RBBP8: variants seen among roughly 807,000 people sequenced by gnomAD.
RBBP8 encodes RB binding protein 8, endonuclease, also known as DNA endonuclease RBBP8.
Under a neutral mutation model 108.3 loss-of-function variants are expected in RBBP8, and 88 were observed. The ratio of observed to expected loss-of-function variants is 0.81; its 90% CI spans 0.68 to 0.97. The LOEUF (loss-of-function observed/expected upper bound fraction) is 0.97. Among genes scored for constraint, RBBP8 ranks in the 50% least tolerant of loss-of-function variants. The probability of loss-of-function intolerance (pLI) is 0.00; values close to 1 mark genes in which losing one functional copy is unlikely to be tolerated. For missense variants in RBBP8, 1,023 were observed against 1,049.0 expected (o/e 0.98, Z 0.34); for synonymous variants, 332 against 348.2 (o/e 0.95, Z 0.52).
chr18:22,942,427 T>C (rs1265325940), intron 2 of RBBP8, among the ~76,000 whole-genome samples: 2 of 152,108 alleles, frequency 1.3e-5, no homozygotes, highest in Admixed American at 1.3e-4. Context: ...ACTGCATCCA[T>C]GTCTTTTAAA....
At chr18:22,985,824 T>C (rs575382387) in intron 8 of RBBP8, among the ~76,000 whole-genome samples, 32 of 152,168 alleles carry the variant, frequency 2.1e-4, no homozygotes, top group African/African-American at 7.2e-4. Context: ...AGCAGGTAGA[T>C]GGCATCTAAG....
chr18:22,985,939 C>A (rs1915296352), intron 8 of RBBP8, among the ~76,000 whole-genome samples: 1 of 152,032 alleles, frequency 6.6e-6, no homozygotes, highest in Admixed American at 6.6e-5. Context: ...TCATGATTTT[C>A]AACTTTTCTT....
intron 7 of RBBP8, 53 bp downstream of exon 7, chr18:22,982,446 C>A (rs1915001225): frequency 6.2e-7 from 1 of 1,609,218 alleles, no homozygotes; most frequent in Non-Finnish European, 8.5e-7. Context: ...CAGTGTTCAT[C>A]TACTAGTTTT....
At chr18:22,921,491 G>C (rs1909592693) in intron 3 of RBBP8, among the ~76,000 whole-genome samples, 1 of 152,198 alleles carries the variant, frequency 6.6e-6, no homozygotes, top group South Asian at 2.1e-4. Flanking sequence ...AGTTTCACCT[G>C]CATGAATCTG....
intron 4 of RBBP8, among the ~76,000 whole-genome samples, chr18:22,955,677 A>T (rs1172832443): frequency 4.0e-5 from 6 of 150,982 alleles, no homozygotes; most frequent in African/African-American, 1.5e-4. Flanking sequence ...TGCCAGGTTC[A>T]CGCCATTCTC....
At chr18:22,928,295 CA>C (rs1427606659) in intron 3 of RBBP8, among the ~76,000 whole-genome samples, 1 of 151,220 alleles carries the variant, frequency 6.6e-6, no homozygotes, top group Admixed American at 6.6e-5. Flanking sequence ...AAAATAATTA[CA>C]ATATAATGGT....
intron 9 of RBBP8, among the ~76,000 whole-genome samples, chr18:22,990,627 A>G (rs1915616520): frequency 6.6e-6 from 1 of 152,214 alleles, no homozygotes. Flanking sequence ...ACTTCTATCC[A>G]GTTCCAAAGC....
chr18:22,950,410 AC>A (rs1911934591), intron 4 of RBBP8, among the ~76,000 whole-genome samples: 1 of 152,046 alleles, frequency 6.6e-6, no homozygotes, highest in African/African-American at 2.4e-5. Flanking sequence ...ACAAAGCGAG[AC>A]CCTGTCTCTA....
At chr18:22,938,802 T>A (rs1023692621) in intron 2 of RBBP8, among the ~76,000 whole-genome samples, 3 of 152,186 alleles carry the variant, frequency 2.0e-5, no homozygotes, top group African/African-American at 7.2e-5. Flanking sequence ...CCCGTAGCAC[T>A]GAAATACAAA....
rs563109757 is a variant in RBBP8, at chr18:22,946,545, A to G, written c.152+59A>G. 1.9e-6 allele frequency: 3 copies of G among 1,602,470 alleles called. No individual in the cohort carries two copies. The South Asian group carries it at 3.3e-5, about 18-fold the overall frequency. Reference sequence around the variant, plus strand: ...TATAGAGTAGTTGATACTGATGTCCAATTTGACATTCATAGAGTAGTTGAT... The same window carrying G: ...TATAGAGTAGTTGATACTGATGTCCGATTTGACATTCATAGAGTAGTTGAT... On this transcript the variant is annotated intron_variant, in intron 3 of 18. Coordinates refer to ENST00000327155, the MANE Select transcript of RBBP8 (RefSeq NM_002894.3).
chr18:22,979,974 C>T (rs776565623), intron 6 of RBBP8, among the ~76,000 whole-genome samples: 4 of 151,778 alleles, frequency 2.6e-5, no homozygotes, highest in Non-Finnish European at 4.4e-5. Flanking sequence ...AGCTGGGCGC[C>T]GTGGTTCACG....
At position 23,006,404 on chromosome 18, in the gene RBBP8, G is replaced by A; in HGVS notation, c.2329G>A (p.Val777Met). Residue 777 changes from valine to methionine, a missense_variant, in exon 16 of 19, where the codon GTG becomes ATG. Val to Met is a conservative substitution (Grantham distance 21). Coordinates refer to ENST00000327155, the MANE Select transcript of RBBP8 (RefSeq NM_002894.3). Reference sequence around the variant, plus strand: ...AGACAAAGTCAAGCAGAAAGCGTTTGTGGAGCCGTATTTTAAAGGTGATGA... The same window carrying A: ...AGACAAAGTCAAGCAGAAAGCGTTTATGGAGCCGTATTTTAAAGGTGATGA... Reference protein sequence around the residue: ...KQDKVKQKAFVEPYFKGDERE... With the variant: ...KQDKVKQKAFMEPYFKGDERE... The A allele has an allele frequency of 1.2e-6, 2 of 1,613,672 alleles. No individual in the cohort carries two copies. Among genetic ancestry groups the A allele is most frequent in the Non-Finnish European group, 1.7e-6 (2 of 1,179,756 alleles).
intron 18 of RBBP8, among the ~76,000 whole-genome samples, chr18:23,025,116 G>A (rs995673815): frequency 3.3e-5 from 5 of 152,004 alleles, no homozygotes; most frequent in African/African-American, 9.7e-5. Flanking sequence ...GCCAGGTATG[G>A]TGGTGCATGC....
At chr18:22,953,230 A>G (rs930147098) in intron 4 of RBBP8, among the ~76,000 whole-genome samples, 4 of 152,198 alleles carry the variant, frequency 2.6e-5, no homozygotes, top group South Asian at 2.1e-4. Context: ...TTATAGCAGG[A>G]TCTGACTATG....
Position 22,982,322 on chromosome 18 carries a change from G to A in RBBP8, c.533G>A (p.Arg178Lys). 1 of 1,614,178 alleles carries A rather than the reference G, an allele frequency of 6.2e-7. No individual in the cohort carries two copies. The highest frequency in any genetic ancestry group is 8.5e-7 in the Non-Finnish European group (1 of 1,180,020). The change falls in exon 7 of 19, where the codon AGA (arginine) becomes AAA (lysine). Residue 178 changes from arginine (R) to lysine (K), a missense_variant. Coordinates refer to ENST00000327155, the MANE Select transcript of RBBP8 (RefSeq NM_002894.3). ...TTTTCTGGCGTTAACCGGCTACGAA[G>A]AAAGGAGAACCCCCATGTCCGATAC... ...FSFSGVNRLR[R>K]KENPHVRYIE...
intron 18 of RBBP8, among the ~76,000 whole-genome samples, chr18:23,022,646 T>TAAAATAAAATAAAATAAAA (rs1437856449): frequency 3.4e-5 from 1 of 29,084 alleles, no homozygotes; most frequent in African/African-American, 9.1e-5. Context: ...ATAAATAAAA[T>TAAAATAAAATAAAATAAAA]ACAATATAAA....
chr18:23,007,529 C>T (rs2046075331), intron 16 of RBBP8, among the ~76,000 whole-genome samples: 1 of 150,436 alleles, frequency 6.6e-6, no homozygotes, highest in African/African-American at 2.4e-5. Context: ...ATGGTGAAAC[C>T]CCGTCTCTAC....
intron 14 of RBBP8, among the ~76,000 whole-genome samples, chr18:23,000,464 G>A (rs1187912191): frequency 1.3e-5 from 2 of 152,040 alleles, no homozygotes; most frequent in Non-Finnish European, 2.9e-5. Context: ...ATGAAAGGTC[G>A]AGCACAGTGA....
intron 16 of RBBP8, 101 bp downstream of exon 16, chr18:23,006,533 G>A: frequency 9.8e-7 from 1 of 1,019,430 alleles, no homozygotes; most frequent in Non-Finnish European, 1.5e-6. Context: ...ACAGAGTCTT[G>A]CTCTGTCACC....
Sources: allele counts gnomAD v4.1 joint callset (sites outside exome capture counted in the v4.1 genomes callset), GRCh38; gene constraint gnomAD v4.1.1; transcripts MANE v1.5; gene names NCBI Gene and HGNC (gene_info 2026-07-23, HGNC 2026-07-21).